VWF: variants seen among roughly 807,000 people sequenced by gnomAD.
VWF encodes the protein Factor VIII related antigen.
A neutral mutation model predicts 308.6 loss-of-function variants in VWF; 176 were observed. The ratio of observed to expected loss-of-function variants is 0.57; its 90% CI spans 0.50 to 0.65. The LOEUF (loss-of-function observed/expected upper bound fraction) is 0.65. Among genes scored for constraint, VWF ranks in the 30% least tolerant of loss-of-function variants. VWF has a pLI of 0.00. For missense variants in VWF, 3,146 were observed against 3,648.2 expected (o/e 0.86, Z 3.55); for synonymous variants, 1,385 against 1,443.4 (o/e 0.96, Z 0.92).
chr12:6,092,001 A>G (rs1425972857), intron 6 of VWF, among the ~76,000 whole-genome samples: 2 of 152,326 alleles, frequency 1.3e-5, no homozygotes, highest in South Asian at 2.1e-4. Context: ...TGACTGCAGC[A>G]TGCACTCACG....
At position 5,971,455 on chromosome 12, in the gene VWF, C is replaced by A. The variant is rs1943472944; in HGVS notation, c.7548+144G>T. 5.7e-6 allele frequency: 4 copies of A among 696,982 alleles called. No homozygotes were observed. In the South Asian group the frequency reaches 6.7e-5, roughly 12 times the overall value. The allele number at this position is 696,982 out of a possible 1,614,324, so 43.2% of individuals were successfully genotyped here. ...GTTCCTAAGGGGCAGGTCATCCCAG[C>A]TGGCATCTGGATAACACCAACAGCT... On this transcript the variant is annotated intron_variant, in intron 44 of 51. Transcript: ENST00000261405.
chr12:5,998,723 A>G (rs999090708), intron 34 of VWF, among the ~76,000 whole-genome samples: 8 of 151,706 alleles, frequency 5.3e-5, no homozygotes, highest in Non-Finnish European at 8.8e-5. Context: ...ATTTATTTTT[A>G]TTTTTATTTT....
At chr12:6,003,814 CT>C (rs34433330) in intron 34 of VWF, among the ~76,000 whole-genome samples, 110 of 122,800 alleles carry the variant, frequency 9.0e-4, no homozygotes, top group Admixed American at 2.2e-3. Context: ...CTTTCTCTCT[CT>C]TTTTTTTTTT....
intron 12 of VWF, 32 bp downstream of exon 12, chr12:6,064,214 C>T (rs1944686493): frequency 6.2e-7 from 1 of 1,613,918 alleles, no homozygotes; most frequent in East Asian, 2.2e-5. Flanking sequence ...GCTGTGCCAG[C>T]CCCAGGCCTG....
intron 6 of VWF, among the ~76,000 whole-genome samples, chr12:6,086,452 G>C (rs1298636382): frequency 1.3e-5 from 2 of 152,158 alleles, no homozygotes. Flanking sequence ...TGCATTCCAA[G>C]GGTCCTTCCT....
chr12:5,955,324 G>A (rs1308931270), intron 47 of VWF, among the ~76,000 whole-genome samples: 2 of 151,874 alleles, frequency 1.3e-5, no homozygotes, highest in South Asian at 2.1e-4. Flanking sequence ...CCATTAACTC[G>A]TCATTTAGCA....
chr12:6,068,862 GTGTGTA>G lies in VWF; in HGVS notation c.1156+2429_1156+2434del, dbSNP rs1439581503. Among the ~76,000 whole-genome samples, 700 of 137,112 alleles carry G rather than the reference GTGTGTA, an allele frequency of 5.1e-3. 12 individuals carry two copies. Among genetic ancestry groups the G allele is most frequent in the African/African-American group, 0.018 (677 of 36,652 alleles). 90.0% of individuals were successfully genotyped at this position (137,112 alleles called of 152,430 possible). A position where few individuals can be genotyped will look rare whatever the true frequency, so the allele number is the denominator to read the frequency against. On this transcript the variant is annotated intron_variant, in intron 10 of 51. Coordinates refer to ENST00000261405, the MANE Select transcript of VWF (RefSeq NM_000552.5). ...TGTGTGTGTGTGTGTGTGTGTGTGT[GTGTGTA>G]TGTGTGTGTGATAGGATCTCTGTCA...
chr12:6,005,754 T>C (rs1166236956), intron 34 of VWF, among the ~76,000 whole-genome samples: 2 of 152,212 alleles, frequency 1.3e-5, no homozygotes, highest in Non-Finnish European at 2.9e-5. Context: ...AAGAATACTC[T>C]GTCTAGCAAA....
intron 6 of VWF, among the ~76,000 whole-genome samples, chr12:6,085,491 G>C (rs11836708): frequency 0.1 from 15,475 of 152,118 alleles, 931 homozygotes; most frequent in African/African-American, 0.18. Context: ...CCATTCTGTT[G>C]CTCACCAGGG....
intron 5 of VWF, among the ~76,000 whole-genome samples, chr12:6,103,133 C>T (rs187980124): frequency 4.3e-4 from 65 of 152,010 alleles, no homozygotes; most frequent in African/African-American, 1.5e-3. Flanking sequence ...TGAGACCATC[C>T]CTGGCTAACA....
intron 15 of VWF, among the ~76,000 whole-genome samples, chr12:6,056,595 C>T (rs959591088): frequency 6.6e-6 from 1 of 152,108 alleles, no homozygotes; most frequent in African/African-American, 2.4e-5. Context: ...TGCAGGGACC[C>T]CCACGTTCTA....
intron 47 of VWF, among the ~76,000 whole-genome samples, chr12:5,964,814 G>A (rs1293035439): frequency 1.3e-5 from 2 of 152,190 alleles, no homozygotes; most frequent in Non-Finnish European, 2.9e-5. Flanking sequence ...AAGGAAAGGT[G>A]GAGGGCAGTT....
chr12:6,079,819 A>C (rs1565855894), intron 6 of VWF, among the ~76,000 whole-genome samples: 1 of 152,134 alleles, frequency 6.6e-6, no homozygotes, highest in Non-Finnish European at 1.5e-5. Context: ...GCAAAGCTCT[A>C]GCTCATTAGG....
At chr12:6,111,298 T>C (rs1344449048) in intron 3 of VWF, among the ~76,000 whole-genome samples, 1 of 152,192 alleles carries the variant, frequency 6.6e-6, no homozygotes, top group Non-Finnish European at 1.5e-5. Flanking sequence ...ATTGAGTATA[T>C]TGTAAGGCAG....
At chr12:6,047,837 G>A (rs1944463113) in intron 16 of VWF, among the ~76,000 whole-genome samples, 1 of 152,204 alleles carries the variant, frequency 6.6e-6, no homozygotes, top group Non-Finnish European at 1.5e-5. Flanking sequence ...CCCAGTGATT[G>A]ACATAGGTTG....
intron 47 of VWF, among the ~76,000 whole-genome samples, chr12:5,962,757 G>A (rs1943334203): frequency 6.6e-6 from 1 of 152,020 alleles, no homozygotes; most frequent in Non-Finnish European, 1.5e-5. Context: ...CACCATGTTA[G>A]CCACGATGGT....
At chr12:5,980,714 G>C (rs188556352) in intron 42 of VWF, among the ~76,000 whole-genome samples, 1 of 152,192 alleles carries the variant, frequency 6.6e-6, no homozygotes, top group Admixed American at 6.5e-5. Context: ...CTGGAAGAGC[G>C]TCCAGAGGGG....
intron 9 of VWF, 59 bp from the exon 10 acceptor site, chr12:6,071,402 T>A (rs574957976): frequency 8.8e-6 from 14 of 1,588,956 alleles, no homozygotes; most frequent in Non-Finnish European, 1.2e-5. Context: ...GGTATGCAAA[T>A]GGATTTAGAG....
intron 16 of VWF, among the ~76,000 whole-genome samples, chr12:6,050,348 C>G (rs1189186433): frequency 2.6e-5 from 4 of 152,212 alleles, no homozygotes; most frequent in African/African-American, 9.6e-5. Context: ...GGCCTCGCTA[C>G]CTTCTTATCG....
Sources: gnomAD v4.1 joint callset for allele counts (sites outside exome capture counted in the v4.1 genomes callset) on GRCh38, gnomAD v4.1.1 for gene constraint, MANE v1.5 for transcripts, NCBI Gene and HGNC (gene_info 2026-07-23, HGNC 2026-07-21) for gene names.